Variants in PTN observed in about 807,000 individuals in gnomAD.
PTN encodes the protein pleiotrophin, also known as heparin affin regulatory protein.
PTN carries 18 observed loss-of-function variants against 24.1 expected under a neutral mutation model. That is an observed-to-expected ratio of 0.75 (90% confidence interval 0.52 to 1.11). The LOEUF (loss-of-function observed/expected upper bound fraction) is 1.11, where lower values mean the gene tolerates loss of function less well. PTN is among the 50% of genes least tolerant of loss of function. The pLI, the probability that PTN is intolerant of heterozygous loss-of-function variation, is 0.00. For synonymous variants in PTN, 78 were observed against 68.6 expected, an observed-to-expected ratio of 1.14 and a Z score of -0.67; for missense variants, 163 against 198.8, an observed-to-expected ratio of 0.82 and a Z score of 1.08.
chr7:137,331,847 C>A (rs534922467), intron 1 of PTN, among the ~76,000 whole-genome samples: 3 of 152,288 alleles, frequency 2.0e-5, no homozygotes, highest in African/African-American at 7.2e-5. Flanking sequence ...TCAGCTTGAC[C>A]TTTAACTGGC....
intron 1 of PTN, among the ~76,000 whole-genome samples, chr7:137,267,412 C>A (rs746749771): frequency 9.9e-5 from 15 of 152,076 alleles, no homozygotes; most frequent in Non-Finnish European, 2.2e-4. Flanking sequence ...GGAAGGGGGT[C>A]TAAAACCAGC....
chr7:137,236,695 AGAGCTTATTTCTGCAATAATGAG>A (rs1346765729), intron 4 of PTN, among the ~76,000 whole-genome samples: 9 of 152,192 alleles, frequency 5.9e-5, no homozygotes, highest in African/African-American at 1.7e-4. Context: ...TAAATATTTA[AGAGCTTATTTCTGCAATAATGAG>A]GAGCTTATTT....
chr7:137,307,804 C>G (rs1809913903), intron 1 of PTN, among the ~76,000 whole-genome samples: 1 of 152,056 alleles, frequency 6.6e-6, no homozygotes, highest in Non-Finnish European at 1.5e-5. Flanking sequence ...AGTAATTTGC[C>G]CAAAGTCACT....
chr7:137,340,241 C>T (rs1245504202), intron 1 of PTN, among the ~76,000 whole-genome samples: 1 of 152,166 alleles, frequency 6.6e-6, no homozygotes, highest in Admixed American at 6.5e-5. Context: ...ATAATTAAGT[C>T]CACAATATTC....
At chr7:137,298,043 T>A (rs1809747889) in intron 1 of PTN, among the ~76,000 whole-genome samples, 1 of 151,990 alleles carries the variant, frequency 6.6e-6, no homozygotes, top group Non-Finnish European at 1.5e-5. Flanking sequence ...CCAGAAGCTG[T>A]CCTACTGAGT....
intron 1 of PTN, among the ~76,000 whole-genome samples, chr7:137,281,877 A>G (rs1021111466): frequency 1.3e-5 from 2 of 152,208 alleles, no homozygotes; most frequent in Admixed American, 6.5e-5. Flanking sequence ...TTTCACAATA[A>G]CTTTAGAAAG....
At chr7:137,260,319 T>A (rs1405748940) in intron 1 of PTN, among the ~76,000 whole-genome samples, 1 of 152,154 alleles carries the variant, frequency 6.6e-6, no homozygotes, top group Non-Finnish European at 1.5e-5. Context: ...ACACAAGTTA[T>A]AGAAAAACCA....
chr7:137,289,839 C>G (rs1809612365), intron 1 of PTN, among the ~76,000 whole-genome samples: 1 of 152,138 alleles, frequency 6.6e-6, no homozygotes, highest in African/African-American at 2.4e-5. Flanking sequence ...GTTTCAAGAC[C>G]CTGAGCAGAG....
chr7:137,335,928 C>CCT (rs1452375474), intron 1 of PTN, among the ~76,000 whole-genome samples: 9 of 141,884 alleles, frequency 6.3e-5, no homozygotes, highest in East Asian at 2.1e-4. Context: ...TGTCTTCTCG[C>CCT]TTTTTTTTTT....
At chr7:137,328,702 C>A (rs185253885) in intron 1 of PTN, among the ~76,000 whole-genome samples, 1 of 152,114 alleles carries the variant, frequency 6.6e-6, no homozygotes, top group Non-Finnish European at 1.5e-5. Flanking sequence ...GTACTCCCAG[C>A]GGTCCCTTTC....
intron 1 of PTN, among the ~76,000 whole-genome samples, chr7:137,262,900 A>G (rs1003855848): frequency 3.9e-5 from 6 of 152,260 alleles, no homozygotes; most frequent in African/African-American, 1.4e-4. Context: ...CCTTGGTTTC[A>G]GGTCTGGTTC....
At chr7:137,263,515 T>C (rs1467979349) in intron 1 of PTN, among the ~76,000 whole-genome samples, 4 of 152,156 alleles carry the variant, frequency 2.6e-5, no homozygotes, top group Non-Finnish European at 5.9e-5. Context: ...TGACAGGTTT[T>C]ATTAGTGATG....
intron 1 of PTN, among the ~76,000 whole-genome samples, chr7:137,282,885 C>A (rs979979389): frequency 1.3e-5 from 2 of 152,110 alleles, no homozygotes; most frequent in African/African-American, 4.8e-5. Context: ...TGTATGGAGA[C>A]ATATGTATCT....
chr7:137,229,743 GT>G (rs1431556553), intron 4 of PTN, among the ~76,000 whole-genome samples: 1 of 151,654 alleles, frequency 6.6e-6, no homozygotes, highest in Non-Finnish European at 1.5e-5. Context: ...CTCTATTTTT[GT>G]TTGTTTTCTC....
intron 3 of PTN, among the ~76,000 whole-genome samples, chr7:137,251,635 T>C (rs140278310): frequency 6.7e-6 from 1 of 149,154 alleles, no homozygotes; most frequent in African/African-American, 2.6e-5. Flanking sequence ...ACTATTAATA[T>C]ACAGTCCCAA....
intron 1 of PTN, among the ~76,000 whole-genome samples, chr7:137,307,824 C>T (rs1203028363): frequency 6.6e-6 from 1 of 152,088 alleles, no homozygotes; most frequent in East Asian, 1.9e-4. Flanking sequence ...TGATGAAGGG[C>T]AGAGCCAGAG....
chr7:137,228,187 G>A, intron 4 of PTN, 112 bp from the exon 5 acceptor site: 1 of 700,698 alleles, frequency 1.4e-6, no homozygotes, highest in Non-Finnish European at 2.5e-6. Context: ...TGATACACAA[G>A]TTGTTTGCTC....
intron 1 of PTN, among the ~76,000 whole-genome samples, chr7:137,278,478 A>C (rs558817432): frequency 9.9e-4 from 151 of 152,298 alleles, no homozygotes; most frequent in Non-Finnish European, 1.8e-3. Flanking sequence ...GTTATTTCAC[A>C]GAAATAGTCA....
At chr7:137,312,787 C>G (rs574822573) in intron 1 of PTN, among the ~76,000 whole-genome samples, 1 of 151,950 alleles carries the variant, frequency 6.6e-6, no homozygotes, top group Non-Finnish European at 1.5e-5. Context: ...ACTACCCATA[C>G]GACAAATGTA....
Sources: allele counts gnomAD v4.1 joint callset (sites outside exome capture counted in the v4.1 genomes callset), GRCh38; gene constraint gnomAD v4.1.1; transcripts MANE v1.5; gene names NCBI Gene and HGNC (gene_info 2026-07-23, HGNC 2026-07-21).